Variants in HMCN1 observed in about 807,000 individuals in gnomAD.
HMCN1 encodes the protein hemicentin 1.
In HMCN1, 321 loss-of-function variants were observed where a neutral mutation model predicts 625.9. The observed-to-expected ratio is 0.51, with a 90% CI of 0.47 to 0.56. The LOEUF (loss-of-function observed/expected upper bound fraction) is 0.56, where lower values mean the gene tolerates loss of function less well. HMCN1 is among the 20% of genes least tolerant of loss of function. The pLI is 0.00. For synonymous variants in HMCN1, 2,425 were observed against 2,417.6 expected (o/e 1.00, Z -0.09); for missense variants, 6,588 against 6,887.3 (o/e 0.96, Z 1.54).
intron 4 of HMCN1, among the ~76,000 whole-genome samples, chr1:185,878,573 T>C (rs1453984328): frequency 6.6e-6 from 1 of 152,186 alleles, no homozygotes; most frequent in African/African-American, 2.4e-5. Flanking sequence ...CTTGCATCCC[T>C]GGAATAAGAC....
chr1:185,845,914 C>T (rs1222543638), intron 1 of HMCN1, 112 bp from the exon 2 acceptor site: 2 of 710,940 alleles, frequency 2.8e-6, no homozygotes, highest in East Asian at 2.7e-5. Flanking sequence ...TTTACTATTT[C>T]TTATTAATAA....
intron 41 of HMCN1, among the ~76,000 whole-genome samples, chr1:186,047,143 T>A (rs1205558677): frequency 2.0e-5 from 3 of 152,102 alleles, no homozygotes; most frequent in Non-Finnish European, 4.4e-5. Context: ...AGGAGTATGT[T>A]ACGGGCAAAG....
At chr1:186,083,089 A>G (rs1659267408) in intron 57 of HMCN1, 128 bp downstream of exon 57, 1 of 431,732 alleles carries the variant, frequency 2.3e-6, no homozygotes, top group East Asian at 3.6e-5. Flanking sequence ...TACTCATTCA[A>G]TCCCCTCTCT....
At chr1:185,740,811 T>TGGTGGG (rs1041752578) in intron 1 of HMCN1, among the ~76,000 whole-genome samples, 9 of 151,928 alleles carry the variant, frequency 5.9e-5, no homozygotes, top group Admixed American at 3.3e-4. Flanking sequence ...CTGGTCAACA[T>TGGTGGG]GGTGAAACCC....
intron 11 of HMCN1, among the ~76,000 whole-genome samples, chr1:185,949,436 G>A (rs1469691235): frequency 6.6e-6 from 1 of 151,878 alleles, no homozygotes; most frequent in East Asian, 1.9e-4. Context: ...TCTGAGAAGG[G>A]AAAGTGGTAA....
intron 1 of HMCN1, among the ~76,000 whole-genome samples, chr1:185,797,890 C>T (rs910453563): frequency 9.2e-6 from 1 of 108,890 alleles, no homozygotes; most frequent in South Asian, 3.0e-4. Context: ...GGTGTGAACC[C>T]GGGAGGCGGA....
At chr1:185,736,613 A>C (rs1270291386) in intron 1 of HMCN1, among the ~76,000 whole-genome samples, 3 of 152,238 alleles carry the variant, frequency 2.0e-5, no homozygotes, top group Non-Finnish European at 4.4e-5. Context: ...AACAGAATAC[A>C]AAAATTGCCT....
intron 20 of HMCN1, 62 bp from the exon 21 acceptor site, chr1:185,989,426 T>C: frequency 1.3e-6 from 2 of 1,585,792 alleles, no homozygotes; most frequent in Non-Finnish European, 8.6e-7. Flanking sequence ...ATTGTCACTC[T>C]TTTATAATCT....
At chr1:185,910,798 T>C (rs1346030360) in intron 5 of HMCN1, among the ~76,000 whole-genome samples, 2 of 152,148 alleles carry the variant, frequency 1.3e-5, no homozygotes, top group East Asian at 3.9e-4. Context: ...TTTGAACTTC[T>C]GACCTTGTGA....
At chr1:186,142,301 C>A (rs1650021973) in intron 89 of HMCN1, among the ~76,000 whole-genome samples, 1 of 152,088 alleles carries the variant, frequency 6.6e-6, no homozygotes, top group South Asian at 2.1e-4. Flanking sequence ...AGGATACTGG[C>A]CTCTAGTTCC....
At chr1:185,786,160 T>G (rs1423538617) in intron 1 of HMCN1, among the ~76,000 whole-genome samples, 1 of 152,212 alleles carries the variant, frequency 6.6e-6, no homozygotes, top group Non-Finnish European at 1.5e-5. Flanking sequence ...AACATCATGA[T>G]GATGTTGTTA....
intron 6 of HMCN1, among the ~76,000 whole-genome samples, chr1:185,912,003 A>G (rs1158010230): frequency 6.6e-6 from 1 of 152,172 alleles, no homozygotes; most frequent in Non-Finnish European, 1.5e-5. Flanking sequence ...ATACACTTAC[A>G]ATTCTCAGAT....
chr1:185,978,148 G>T (rs996644597), intron 16 of HMCN1, 167 bp downstream of exon 16: 1 of 583,878 alleles, frequency 1.7e-6, no homozygotes, highest in Admixed American at 3.2e-5. Flanking sequence ...TTCGGGAATT[G>T]TCATAAATGA....
chr1:185,911,848 C>T, intron 6 of HMCN1, 68 bp downstream of exon 6: 2 of 1,194,698 alleles, frequency 1.7e-6, no homozygotes, highest in Non-Finnish European at 2.5e-6. Flanking sequence ...GAAGTATACA[C>T]AATGGTTTTT....
chr1:186,000,178 C>T lies in HMCN1; in HGVS notation c.4008C>T (p.Tyr1336=). Residue 1336 remains tyrosine (Y), a synonymous_variant, in exon 26 of 107, where the codon TAC becomes TAT. Transcript: ENST00000271588. ...ASVTPYDNGE[Y]ICVAVNEAGT... is the part of the protein sequence containing the mutation. ...TTACACCCTATGACAATGGGGAGTA[C>T]ATCTGTGTGGCAGTCAATGAAGCTG... is the stretch of plus-strand genomic sequence containing the variant. 1 of 1,613,034 alleles carries T rather than the reference C, an allele frequency of 6.2e-7. No individual in the cohort carries two copies. The highest frequency in any genetic ancestry group is 8.5e-7 in the Non-Finnish European group (1 of 1,179,280).
At chr1:186,104,458 A>T (rs1259135254) in intron 69 of HMCN1, among the ~76,000 whole-genome samples, 1 of 152,334 alleles carries the variant, frequency 6.6e-6, no homozygotes, top group South Asian at 2.1e-4. Context: ...ATAACAAATT[A>T]TTTGATCATA....
At chr1:186,019,895 TTAAC>T (rs2102152535) in intron 35 of HMCN1, among the ~76,000 whole-genome samples, 200 bp downstream of exon 35, 1 of 152,160 alleles carries the variant, frequency 6.6e-6, no homozygotes, top group Non-Finnish European at 1.5e-5. Context: ...AAGACTAACT[TTAAC>T]AATGATACTG....
chr1:185,754,540 AGT>A (rs1447816098), intron 1 of HMCN1, among the ~76,000 whole-genome samples: 3 of 152,160 alleles, frequency 2.0e-5, no homozygotes, highest in African/African-American at 7.2e-5. Flanking sequence ...GTGTTTGAAA[AGT>A]GTAAGTATCC....
At chr1:185,795,559 G>A (rs1658315208) in intron 1 of HMCN1, among the ~76,000 whole-genome samples, 1 of 152,152 alleles carries the variant, frequency 6.6e-6, no homozygotes, top group Non-Finnish European at 1.5e-5. Context: ...CTTCTCATAG[G>A]AATGTCCTGA....
Sources: gnomAD v4.1 joint callset for allele counts (sites outside exome capture counted in the v4.1 genomes callset) on GRCh38, gnomAD v4.1.1 for gene constraint, MANE v1.5 for transcripts, NCBI Gene and HGNC (gene_info 2026-07-23, HGNC 2026-07-21) for gene names.